The following RUNX1 variants were observed in gnomAD, a reference collection of about 807,000 sequenced individuals.
RUNX1 encodes RUNX family transcription factor 1.
RUNX1 carries 19 observed loss-of-function variants against 42.8 expected under a neutral mutation model. The observed-to-expected ratio is 0.44, with a 90% CI of 0.31 to 0.65. The LOEUF (loss-of-function observed/expected upper bound fraction) is 0.65. RUNX1 is among the 30% of genes least tolerant of loss of function. RUNX1 has a pLI of 0.07. For missense variants in RUNX1, 528 were observed against 672.0 expected, an observed-to-expected ratio of 0.79 and a Z score of 2.37; for synonymous variants, 271 against 289.4, an observed-to-expected ratio of 0.94 and a Z score of 0.64.
intron 5 of RUNX1, among the ~76,000 whole-genome samples, chr21:34,879,579 G>A (rs1020761445): frequency 2.6e-5 from 4 of 151,588 alleles, no homozygotes; most frequent in African/African-American, 7.3e-5. Context: ...TTTTCAATAC[G>A]AGAACTATTA....
At chr21:34,803,263 C>T (rs1038022700) in intron 7 of RUNX1, among the ~76,000 whole-genome samples, 1 of 152,016 alleles carries the variant, frequency 6.6e-6, no homozygotes, top group East Asian at 1.9e-4. Context: ...ATACTGGATT[C>T]AGGGCCGGGC....
chr21:34,909,115 T>C (rs1391073609), intron 2 of RUNX1, among the ~76,000 whole-genome samples: 1 of 152,200 alleles, frequency 6.6e-6, no homozygotes, highest in Non-Finnish European at 1.5e-5. Context: ...AAGGCCGCAT[T>C]GCAGGTAGGG....
intron 2 of RUNX1, among the ~76,000 whole-genome samples, chr21:34,991,167 C>T (rs193177206): frequency 1.3e-5 from 2 of 152,352 alleles, no homozygotes; most frequent in East Asian, 3.9e-4. Context: ...TCCACCTTGC[C>T]TGCCTCTCTT....
chr21:34,876,389 T>C lies in RUNX1; in HGVS notation c.508+4168A>G, dbSNP rs75916689. Among the ~76,000 whole-genome samples, 1,502 of 152,330 alleles carry C rather than the reference T, an allele frequency of 9.9e-3. 26 individuals are homozygous for C. Among genetic ancestry groups the C allele is most frequent in the African/African-American group, 0.035 (1,447 of 41,566 alleles). On this transcript the variant is annotated intron_variant, in intron 5 of 8. Coordinates refer to ENST00000675419, the MANE Select transcript of RUNX1 (RefSeq NM_001754.5). ...TCATTTGTACATGTATTTATTCATT[T>C]TCAGGTGTCTACTATATGCGGCATA...
In RUNX1 at chr21:34,947,864, T is replaced by C. The variant is rs375365789; in HGVS notation, c.59-54901A>G. Among the ~76,000 whole-genome samples, 97 of 152,280 alleles carry C rather than the reference T, an allele frequency of 6.4e-4. No individual in the cohort carries two copies. The Middle Eastern group carries it at 0.01, about 16-fold the overall frequency. Reference sequence around the variant, plus strand: ...AGAAGCGCTTCTGGACAACGTGGGATGTTGCTAACATTTGGAAAGTGACTG... The same window carrying C: ...AGAAGCGCTTCTGGACAACGTGGGACGTTGCTAACATTTGGAAAGTGACTG... On this transcript the variant is annotated intron_variant, in intron 2 of 8. Coordinates refer to ENST00000675419, the MANE Select transcript of RUNX1 (RefSeq NM_001754.5).
intron 2 of RUNX1, among the ~76,000 whole-genome samples, chr21:34,933,472 T>C (rs1473005229): frequency 1.3e-5 from 2 of 152,192 alleles, no homozygotes; most frequent in Non-Finnish European, 2.9e-5. Flanking sequence ...TTATGAGTGG[T>C]GGGATGTTAT....
chr21:34,848,087 C>T (rs2057342961), intron 6 of RUNX1, among the ~76,000 whole-genome samples: 2 of 152,342 alleles, frequency 1.3e-5, no homozygotes, highest in South Asian at 4.1e-4. Flanking sequence ...AGGAACACTT[C>T]TGTGCCCAGC....
At chr21:35,004,796 T>C (rs909482846) in intron 2 of RUNX1, among the ~76,000 whole-genome samples, 7 of 152,188 alleles carry the variant, frequency 4.6e-5, no homozygotes, top group African/African-American at 1.2e-4. Context: ...CCTTCCCTTG[T>C]TGTCTGCTTG....
At chr21:34,885,100 T>G (rs1035260667) in intron 4 of RUNX1, among the ~76,000 whole-genome samples, 3 of 152,232 alleles carry the variant, frequency 2.0e-5, no homozygotes, top group Middle Eastern at 3.2e-3. Context: ...AATCATTTAG[T>G]CTTTTAATAT....
At chr21:34,885,496 A>G (rs562316314) in intron 4 of RUNX1, among the ~76,000 whole-genome samples, 1 of 152,302 alleles carries the variant, frequency 6.6e-6, no homozygotes, top group African/African-American at 2.4e-5. Context: ...AACAAAACAA[A>G]CAAAAAAAAC....
chr21:34,866,036 G>A (rs1248559763), intron 5 of RUNX1, among the ~76,000 whole-genome samples: 2 of 152,192 alleles, frequency 1.3e-5, no homozygotes, highest in Admixed American at 1.3e-4. Flanking sequence ...GTCTACCTGA[G>A]TTGGCTCTGC....
intron 7 of RUNX1, among the ~76,000 whole-genome samples, chr21:34,812,938 G>C (rs2056776531): frequency 2.0e-5 from 3 of 152,200 alleles, no homozygotes; most frequent in Admixed American, 1.3e-4. Context: ...AGACAGGAAT[G>C]CTAGGACCTA....
chr21:34,967,298 C>T lies in RUNX1; in HGVS notation c.59-74335G>A, dbSNP rs903682636. Among the ~76,000 whole-genome samples, 20 of 92,290 alleles carry T rather than the reference C, an allele frequency of 2.2e-4. No homozygotes were observed. The Admixed American group carries it at 2.3e-3, about 10-fold the overall frequency. The allele number at this position is 92,290 out of a possible 152,430, so 60.5% of individuals were successfully genotyped here. A position where few individuals can be genotyped will look rare whatever the true frequency, so the allele number is the denominator to read the frequency against. ...TCGCATCATTGCACTCCAGCCCAGG[C>T]GACAGTGTGAGACTCGGTCTCAAAA... On this transcript the variant is annotated intron_variant, in intron 2 of 8. Coordinates refer to ENST00000675419, the MANE Select transcript of RUNX1 (RefSeq NM_001754.5).
rs77329386 is a variant in RUNX1 at position 34,921,438 on chromosome 21, C to T, written c.59-28475G>A. ...TTTCACTCATTATAATGTCCTCAAG[C>T]TTCATCCATATTGTAGCATAAGTCC... On this transcript the variant is annotated intron_variant, in intron 2 of 8. Coordinates refer to ENST00000675419, the MANE Select transcript of RUNX1 (RefSeq NM_001754.5). 2.5e-3 allele frequency among the ~76,000 whole-genome samples: 376 copies of T among 152,264 alleles called. 2 individuals are homozygous for T. The highest frequency in any genetic ancestry group is 8.7e-3 in the African/African-American group (362 of 41,548).
At chr21:34,888,928 T>G (rs2058039664) in intron 3 of RUNX1, among the ~76,000 whole-genome samples, 2 of 151,406 alleles carry the variant, frequency 1.3e-5, no homozygotes, top group African/African-American at 4.8e-5. Flanking sequence ...GCGCCCCGCA[T>G]CCAAGCCTGC....
At chr21:34,989,209 A>C (rs1405923709) in intron 2 of RUNX1, among the ~76,000 whole-genome samples, 1 of 151,912 alleles carries the variant, frequency 6.6e-6, no homozygotes, top group African/African-American at 2.4e-5. Context: ...GGGTTTCTCC[A>C]TATTGGCCAG....
At chr21:34,849,269 A>T (rs1247400620) in intron 6 of RUNX1, among the ~76,000 whole-genome samples, 4 of 78,442 alleles carry the variant, frequency 5.1e-5, no homozygotes, top group Admixed American at 2.4e-4. Context: ...TATATATATA[A>T]TATATATATA....
At chr21:34,930,557 C>T (rs1171429925) in intron 2 of RUNX1, among the ~76,000 whole-genome samples, 2 of 151,774 alleles carry the variant, frequency 1.3e-5, no homozygotes, top group African/African-American at 2.4e-5. Flanking sequence ...TGGCTAGTGG[C>T]CGCCATATTA....
chr21:34,835,678 G>A (rs2057135733), intron 6 of RUNX1, among the ~76,000 whole-genome samples: 1 of 152,190 alleles, frequency 6.6e-6, no homozygotes, highest in South Asian at 2.1e-4. Context: ...GCCTCCTGCT[G>A]CTTCCTCAGC....
Sources: gnomAD v4.1 joint callset for allele counts (sites outside exome capture counted in the v4.1 genomes callset) on GRCh38, gnomAD v4.1.1 for gene constraint, MANE v1.5 for transcripts, NCBI Gene and HGNC (gene_info 2026-07-23, HGNC 2026-07-21) for gene names.